Variants in KCNIP1 observed in about 807,000 individuals in gnomAD.
KCNIP1 encodes potassium voltage-gated channel interacting protein 1.
KCNIP1 carries 18 observed loss-of-function variants against 33.0 expected under a neutral mutation model. The ratio of observed to expected loss-of-function variants is 0.55; its 90% CI spans 0.38 to 0.81. The LOEUF (loss-of-function observed/expected upper bound fraction) is 0.81, where lower values mean the gene tolerates loss of function less well. Among genes scored for constraint, KCNIP1 ranks in the 30% least tolerant of loss-of-function variants. The pLI, the probability that KCNIP1 is intolerant of heterozygous loss-of-function variation, is 0.00. For missense variants in KCNIP1, 238 were observed against 271.6 expected, an observed-to-expected ratio of 0.88 and a Z score of 0.87; for synonymous variants, 93 against 98.3, an observed-to-expected ratio of 0.95 and a Z score of 0.32.
chr5:170,685,845 C>T (rs961961561), intron 1 of KCNIP1, among the ~76,000 whole-genome samples: 2 of 152,164 alleles, frequency 1.3e-5, no homozygotes, highest in African/African-American at 4.8e-5. Context: ...GGAAACAAGG[C>T]CCAATTTGAG....
rs1764377888 is a variant in KCNIP1, at chr5:170,736,072, A to G, written c.*266A>G. 2 of 492,674 alleles carry G rather than the reference A, an allele frequency of 4.1e-6. No homozygotes were observed. Among genetic ancestry groups the G allele is most frequent in the African/African-American group, 3.9e-5 (2 of 51,934 alleles). 30.5% of individuals were successfully genotyped at this position (492,674 alleles called of 1,614,324 possible). On this transcript the variant is annotated 3_prime_UTR_variant, in exon 8 of 8. Transcript: ENST00000328939. The stretch of plus-strand genomic sequence containing the variant: ...TTTGGAAGCATGCTCATCTCCTCAC[A>G]CTGCTGCCCTATGGAAGGTCCCTCT...
chr5:170,601,892 G>A (rs913304009), intron 1 of KCNIP1, among the ~76,000 whole-genome samples: 5 of 152,186 alleles, frequency 3.3e-5, no homozygotes, highest in Admixed American at 2.6e-4. Flanking sequence ...CCTGGGCCTT[G>A]GCCCTGGCAA....
chr5:170,360,960 C>T (rs1302814123), intron 1 of KCNIP1, among the ~76,000 whole-genome samples: 2 of 152,256 alleles, frequency 1.3e-5, no homozygotes, highest in Non-Finnish European at 2.9e-5. Flanking sequence ...TCCCTATCTC[C>T]CTTGTCTGAA....
intron 1 of KCNIP1, among the ~76,000 whole-genome samples, chr5:170,674,711 C>T (rs1392106166): frequency 6.6e-6 from 1 of 152,140 alleles, no homozygotes; most frequent in Non-Finnish European, 1.5e-5. Context: ...AAATTGATCT[C>T]CCAGGATGCT....
chr5:170,380,797 T>C (rs956803470), intron 1 of KCNIP1, among the ~76,000 whole-genome samples: 2 of 152,168 alleles, frequency 1.3e-5, no homozygotes, highest in African/African-American at 2.4e-5. Context: ...AGTGTGGCTA[T>C]GGAGTCAGAC....
At chr5:170,586,591 C>T (rs1470843264) in intron 1 of KCNIP1, among the ~76,000 whole-genome samples, 1 of 152,264 alleles carries the variant, frequency 6.6e-6, no homozygotes, top group Non-Finnish European at 1.5e-5. Flanking sequence ...GTTACCTCAT[C>T]TCTCTGAGTC....
chr5:170,556,832 CA>C lies in KCNIP1; in HGVS notation c.61+52200del, dbSNP rs1581321488. Among the ~76,000 whole-genome samples the C allele has an allele frequency of 2.0e-5, 3 of 152,368 alleles. No individual in the cohort carries two copies. In the East Asian group the frequency reaches 5.8e-4, roughly 29 times the overall value. ...ATGCACCAGAGTATTTCTAGACCCT[CA>C]TTCTGCAGTCAGCTCTAGCTGCCAC... is the stretch of plus-strand genomic sequence containing the variant. On this transcript the variant is annotated intron_variant, in intron 1 of 7. Transcript: ENST00000328939.
chr5:170,638,048 G>A (rs1332507871), intron 1 of KCNIP1, among the ~76,000 whole-genome samples: 3 of 135,782 alleles, frequency 2.2e-5, no homozygotes, highest in Non-Finnish European at 4.8e-5. Context: ...GTGGGGGGTG[G>A]GGATGTTCCA....
At chr5:170,655,673 T>G (rs1159430210) in intron 1 of KCNIP1, among the ~76,000 whole-genome samples, 1 of 152,108 alleles carries the variant, frequency 6.6e-6, no homozygotes, top group African/African-American at 2.4e-5. Context: ...AGAGGAGAAA[T>G]GACTTTCAGT....
intron 1 of KCNIP1, chr5:170,389,327 C>A: frequency 6.6e-6 from 1 of 152,116 alleles, no homozygotes; most frequent in Non-Finnish European, 1.5e-5. Context: ...CCGCCCCCAC[C>A]CCAAAAGAGG....
intron 1 of KCNIP1, among the ~76,000 whole-genome samples, chr5:170,709,621 G>A (rs746041252): frequency 2.0e-5 from 3 of 151,900 alleles, no homozygotes; most frequent in Non-Finnish European, 2.9e-5. Flanking sequence ...TTTTTCAGTG[G>A]TTTTACTCTG....
upstream of KCNIP1, among the ~76,000 whole-genome samples, chr5:170,503,198 A>T (rs1207001404): frequency 1.3e-5 from 2 of 151,986 alleles, no homozygotes; most frequent in East Asian, 3.9e-4. Context: ...AAGCCCAGCC[A>T]GCCCAACATG....
chr5:170,712,862 T>C (rs1763504409), intron 1 of KCNIP1: 2 of 1,613,916 alleles, frequency 1.2e-6, no homozygotes, highest in South Asian at 2.2e-5. Context: ...AGACATCGCC[T>C]GGTGGTATTA....
At chr5:170,509,483 C>T (rs1316927125) in intron 1 of KCNIP1, among the ~76,000 whole-genome samples, 1 of 152,202 alleles carries the variant, frequency 6.6e-6, no homozygotes, top group African/African-American at 2.4e-5. Flanking sequence ...CTGGAAGGGC[C>T]TTGCTCCATG....
intron 1 of KCNIP1, among the ~76,000 whole-genome samples, chr5:170,715,247 G>A (rs111671920): frequency 5.5e-4 from 83 of 152,248 alleles, no homozygotes; most frequent in African/African-American, 1.7e-3. Context: ...GTGTGTAGCA[G>A]GGCTACCCCA....
chr5:170,412,687 G>T (rs1755227143), intron 1 of KCNIP1, among the ~76,000 whole-genome samples: 2 of 152,136 alleles, frequency 1.3e-5, no homozygotes, highest in Non-Finnish European at 2.9e-5. Flanking sequence ...TTCTCCAGGG[G>T]TGCAGTGCAG....
intron 1 of KCNIP1, among the ~76,000 whole-genome samples, chr5:170,473,895 ACAG>A (rs1323306244): frequency 6.6e-6 from 1 of 152,176 alleles, no homozygotes; most frequent in Non-Finnish European, 1.5e-5. Context: ...GAGCAACGAG[ACAG>A]GGTAGTGTTG....
chr5:170,480,270 T>C lies in KCNIP1; in HGVS notation c.88+126306T>C, dbSNP rs150441732. 5.0e-3 allele frequency among the ~76,000 whole-genome samples: 764 copies of C among 152,330 alleles called. 9 individuals are homozygous for C. The highest frequency in any genetic ancestry group is 0.017 in the African/African-American group (702 of 41,570). ...AGTTTCTCCTAAGAATACAAATTTC[T>C]TTCAGAACCAAAAGAAAAATAATCT... On this transcript the variant is annotated intron_variant, in intron 1 of 7. Coordinates refer to the KCNIP1 transcript ENST00000377360.
At chr5:170,462,317 A>T (rs1055279899) in intron 1 of KCNIP1, among the ~76,000 whole-genome samples, 3 of 151,838 alleles carry the variant, frequency 2.0e-5, no homozygotes, top group African/African-American at 4.8e-5. Flanking sequence ...AATTGGGCTA[A>T]GGACATGAAT....
Sources: allele counts gnomAD v4.1 joint callset (sites outside exome capture counted in the v4.1 genomes callset), GRCh38; gene constraint gnomAD v4.1.1; transcripts MANE v1.5; gene names NCBI Gene and HGNC (gene_info 2026-07-23, HGNC 2026-07-21).